Variants in FSTL5 observed in about 807,000 individuals in gnomAD.
FSTL5 encodes follistatin like 5, also known as follistatin-related protein 5.
A neutral mutation model predicts 89.1 loss-of-function variants in FSTL5; 62 were observed. That is an observed-to-expected ratio of 0.70 (90% CI 0.57 to 0.86). FSTL5 has a LOEUF of 0.86. Ranked by LOEUF, FSTL5 falls within the 40% of genes least tolerant of loss-of-function variation. The pLI, the probability that FSTL5 is intolerant of heterozygous loss-of-function variation, is 0.00. For missense variants in FSTL5, 1,057 were observed against 1,001.6 expected (o/e 1.06, Z -0.75); for synonymous variants, 383 against 346.2 (o/e 1.11, Z -1.18).
intron 6 of FSTL5, among the ~76,000 whole-genome samples, chr4:161,751,780 CA>C (rs1284879266): frequency 9.1e-6 from 1 of 109,724 alleles, no homozygotes; most frequent in Admixed American, 8.7e-5. Flanking sequence ...GAACTTGTCT[CA>C]AAAAAAAAGA....
At chr4:162,153,855 G>T (rs1209571900) in intron 1 of FSTL5, among the ~76,000 whole-genome samples, 1 of 149,802 alleles carries the variant, frequency 6.7e-6, no homozygotes, top group East Asian at 1.9e-4. Context: ...GCCCAGGCTG[G>T]AGTGCAATAG....
chr4:161,685,892 T>C (rs1025402114), intron 6 of FSTL5, among the ~76,000 whole-genome samples: 1 of 152,284 alleles, frequency 6.6e-6, no homozygotes, highest in Non-Finnish European at 1.5e-5. Flanking sequence ...GGCTGTGAGT[T>C]TGTCATAGTT....
chr4:161,979,026 T>C (rs936641393), intron 3 of FSTL5, among the ~76,000 whole-genome samples: 2 of 152,152 alleles, frequency 1.3e-5, no homozygotes, highest in African/African-American at 4.8e-5. Context: ...AATATCCCAA[T>C]GTCCAAAACA....
intron 7 of FSTL5, among the ~76,000 whole-genome samples, chr4:161,643,416 C>A (rs764851093): frequency 9.9e-5 from 15 of 151,868 alleles, no homozygotes; most frequent in Non-Finnish European, 1.6e-4. Context: ...TCTGATTATT[C>A]CATAGTGTAT....
At chr4:161,571,040 C>T (rs530054789) in intron 8 of FSTL5, among the ~76,000 whole-genome samples, 13 of 151,688 alleles carry the variant, frequency 8.6e-5, no homozygotes, top group East Asian at 7.8e-4. Flanking sequence ...TCACTTGAGG[C>T]GGAGGTTTCG....
At chr4:161,747,761 T>G (rs1010822033) in intron 6 of FSTL5, among the ~76,000 whole-genome samples, 1 of 152,204 alleles carries the variant, frequency 6.6e-6, no homozygotes, top group African/African-American at 2.4e-5. Flanking sequence ...TATGCAGCAC[T>G]CAGGCCCTAA....
At chr4:161,895,613 C>T (rs1469430458) in intron 4 of FSTL5, among the ~76,000 whole-genome samples, 1 of 152,048 alleles carries the variant, frequency 6.6e-6, no homozygotes, top group East Asian at 1.9e-4. Flanking sequence ...AATGATATGT[C>T]ATGGCAGAAA....
intron 3 of FSTL5, among the ~76,000 whole-genome samples, chr4:162,009,072 A>G (rs186780723): frequency 1.4e-4 from 22 of 152,224 alleles, no homozygotes; most frequent in African/African-American, 5.1e-4. Flanking sequence ...TGTTTAAACT[A>G]CCAGTTAGTA....
At chr4:161,883,052 G>A (rs771064584) in intron 4 of FSTL5, among the ~76,000 whole-genome samples, 3 of 152,108 alleles carry the variant, frequency 2.0e-5, no homozygotes, top group Non-Finnish European at 4.4e-5. Context: ...ATTCTGTGTT[G>A]AGTCAGCTAA....
intron 1 of FSTL5, among the ~76,000 whole-genome samples, chr4:162,117,724 T>G (rs1731696848): frequency 6.6e-6 from 1 of 152,220 alleles, no homozygotes; most frequent in African/African-American, 2.4e-5. Flanking sequence ...GGCTATTGGC[T>G]TGTTTATTCT....
intron 4 of FSTL5, among the ~76,000 whole-genome samples, chr4:161,828,626 G>C (rs559129323): frequency 6.6e-6 from 1 of 152,122 alleles, no homozygotes; most frequent in African/African-American, 2.4e-5. Context: ...GAAAATTTTA[G>C]AATCTGTGAA....
chr4:161,507,328 C>CAT (rs1276878883), intron 11 of FSTL5, among the ~76,000 whole-genome samples: 1 of 151,558 alleles, frequency 6.6e-6, no homozygotes, highest in African/African-American at 2.4e-5. Flanking sequence ...TTATACGTAT[C>CAT]ATAAATATAC....
At chr4:161,694,574 C>A (rs1160216881) in intron 6 of FSTL5, among the ~76,000 whole-genome samples, 1 of 151,810 alleles carries the variant, frequency 6.6e-6, no homozygotes, top group Non-Finnish European at 1.5e-5. Context: ...TCATGGTTAC[C>A]TTTAAAATAG....
intron 3 of FSTL5, among the ~76,000 whole-genome samples, chr4:161,998,814 A>G (rs1026922432): frequency 1.3e-5 from 2 of 151,520 alleles, no homozygotes; most frequent in African/African-American, 4.9e-5. Context: ...TTGATCATCT[A>G]TTTGCCTTTG....
chr4:162,094,823 A>G (rs1730685732), intron 2 of FSTL5, among the ~76,000 whole-genome samples: 1 of 152,180 alleles, frequency 6.6e-6, no homozygotes, highest in South Asian at 2.1e-4. Context: ...GTAAGTATAT[A>G]CAAATCTAAA....
intron 2 of FSTL5, among the ~76,000 whole-genome samples, chr4:162,079,319 A>G (rs1344782421): frequency 2.0e-5 from 3 of 151,696 alleles, no homozygotes; most frequent in Non-Finnish European, 4.4e-5. Context: ...ATTTCTGGGC[A>G]TATCATTATG....
chr4:161,774,217 T>C (rs947367390), intron 5 of FSTL5, among the ~76,000 whole-genome samples: 1 of 152,000 alleles, frequency 6.6e-6, no homozygotes, highest in Non-Finnish European at 1.5e-5. Flanking sequence ...TAGAAGCAGA[T>C]TGGTGTGATT....
At chr4:161,861,986 C>T (rs1731931873) in intron 4 of FSTL5, among the ~76,000 whole-genome samples, 1 of 152,168 alleles carries the variant, frequency 6.6e-6, no homozygotes, top group Non-Finnish European at 1.5e-5. Context: ...CAAGAGACTT[C>T]AGTTTCCCTC....
intron 4 of FSTL5, among the ~76,000 whole-genome samples, chr4:161,880,295 A>G (rs1029177472): frequency 5.3e-5 from 8 of 152,168 alleles, no homozygotes; most frequent in African/African-American, 1.9e-4. Flanking sequence ...TAATATTAAT[A>G]TTAATGTTTA....
Sources: gnomAD v4.1 joint callset for allele counts (sites outside exome capture counted in the v4.1 genomes callset) on GRCh38, gnomAD v4.1.1 for gene constraint, MANE v1.5 for transcripts, NCBI Gene and HGNC (gene_info 2026-07-23, HGNC 2026-07-21) for gene names.